The following TSNAXIP1 variants were observed in gnomAD, a reference collection of about 807,000 sequenced individuals.
The protein encoded by TSNAXIP1 is translin-associated factor X-interacting protein 1.
In TSNAXIP1, 89 loss-of-function variants were observed where a neutral mutation model predicts 84.8. That is an observed-to-expected ratio of 1.05 (90% CI 0.88 to 1.25). The LOEUF is 1.25. Ranked by LOEUF, TSNAXIP1 falls within the 50% of genes most tolerant of loss-of-function variation. The probability of loss-of-function intolerance (pLI) is 0.00; values close to 1 mark genes in which losing one functional copy is unlikely to be tolerated. For synonymous variants in TSNAXIP1, 347 were observed against 335.2 expected, an observed-to-expected ratio of 1.04 and a Z score of -0.39; for missense variants, 874 against 887.6, an observed-to-expected ratio of 0.98 and a Z score of 0.20.
chr16:67,810,204 C>T (rs570795107), intron 1 of TSNAXIP1, among the ~76,000 whole-genome samples: 1 of 152,228 alleles, frequency 6.6e-6, no homozygotes, highest in East Asian at 1.9e-4. Flanking sequence ...GTTTCTCCTC[C>T]CTATCGGCTT....
intron 3 of TSNAXIP1, 46 bp from the exon 4 acceptor site, chr16:67,821,053 G>C (rs1170373158): frequency 6.2e-7 from 1 of 1,610,974 alleles, no homozygotes; most frequent in Admixed American, 1.7e-5. Flanking sequence ...AGGGCACAAG[G>C]GCCCCGTGGG....
At position 67,827,338 on chromosome 16, in the gene TSNAXIP1, A is replaced by T. The variant is rs760999662; in HGVS notation, c.1754A>T (p.Asn585Ile). 6.2e-7 allele frequency: 1 copy of T among 1,614,210 alleles called. No homozygotes were observed. The highest frequency in any genetic ancestry group is 8.5e-7 in the Non-Finnish European group (1 of 1,180,034). The change falls in exon 14 of 16, where the codon AAT (asparagine) becomes ATT (isoleucine). Residue 585 changes from asparagine (N) to isoleucine (I), a missense_variant. Asn to Ile is a moderately radical substitution (Grantham distance 149). Transcript: ENST00000561639. ...GGGGGCTGGCATCCCAGCAGCAGCA[A>T]TGCAGACTTGCTCAACTACCGCTCA... ...EAGGWHPSSS[N>I]ADLLNYRSLF...
intron 2 of TSNAXIP1, among the ~76,000 whole-genome samples, chr16:67,814,887 G>A (rs1014654410): frequency 6.6e-6 from 1 of 152,192 alleles, no homozygotes; most frequent in Non-Finnish European, 1.5e-5. Flanking sequence ...TGCTGAGTAG[G>A]TGTGTGAAGG....
chr16:67,807,366 C>A (rs2055539248), intron 1 of TSNAXIP1, 170 bp downstream of exon 1: 1 of 1,531,864 alleles, frequency 6.5e-7, no homozygotes, highest in Non-Finnish European at 8.7e-7. Context: ...CCAGTGAAGA[C>A]GTTACGTGCT....
chr16:67,824,800 G>A (rs750823067), intron 6 of TSNAXIP1, 21 bp downstream of exon 6: 100 of 1,607,768 alleles, frequency 6.2e-5, no homozygotes, highest in East Asian at 3.4e-4. Context: ...GTGGTGTGAT[G>A]ATGACCAAGT....
intron 2 of TSNAXIP1, 72 bp from the exon 3 acceptor site, chr16:67,820,767 A>C: frequency 3.6e-6 from 4 of 1,122,120 alleles, no homozygotes; most frequent in South Asian, 1.8e-5. Flanking sequence ...GGACTGGGGG[A>C]GGAGAGATGG....
chr16:67,826,951 C>T lies in TSNAXIP1; in HGVS notation c.1555-12C>T, dbSNP rs1171950776. 2 of 1,613,854 alleles carry T rather than the reference C, an allele frequency of 1.2e-6. No individual in the cohort carries two copies. The highest frequency in any genetic ancestry group is 1.7e-6 in the Non-Finnish European group (2 of 1,179,948). ...CAGGAACAGCAGGTGAATAATGCTT[C>T]TCTCCTTATAGCGGAGTGAGAATGT... On this transcript the variant is annotated splice_polypyrimidine_tract_variant and intron_variant, in intron 12 of 15. Transcript: ENST00000561639.
chr16:67,817,532 G>T (rs2056676433), intron 2 of TSNAXIP1, among the ~76,000 whole-genome samples: 1 of 147,458 alleles, frequency 6.8e-6, no homozygotes, highest in Admixed American at 6.7e-5. Flanking sequence ...TGCCCGCCTT[G>T]GCCTCCCAAA....
rs776345843 is a variant in TSNAXIP1, at chr16:67,827,823, A to G, written c.1969A>G (p.Thr657Ala). The G allele has an allele frequency of 3.2e-5, 51 of 1,614,138 alleles. 1 individual carries two copies. In the South Asian group the frequency reaches 5.3e-4, roughly 17 times the overall value. Residue 657 changes from threonine (T) to alanine (A), a missense_variant, in exon 16 of 16, where the codon ACA (threonine) becomes GCA (alanine). Thr to Ala is a moderately conservative substitution (Grantham distance 58). Coordinates refer to ENST00000561639, the MANE Select transcript of TSNAXIP1 (RefSeq NM_001288990.3). Reference sequence around the variant, plus strand: ...CATCGACCCCAGCCTGGACAAGCAGACAGTGAACACCTACATGAGCCAGGC... The same window carrying G: ...CATCGACCCCAGCCTGGACAAGCAGGCAGTGAACACCTACATGAGCCAGGC... Reference protein sequence around the residue: ...MTIDPSLDKQTVNTYMSQAFQ... With the variant: ...MTIDPSLDKQAVNTYMSQAFQ...
intron 1 of TSNAXIP1, chr16:67,807,670 A>T (rs2055581496): frequency 1.5e-5 from 4 of 262,588 alleles, no homozygotes; most frequent in African/African-American, 6.9e-5. Flanking sequence ...TTTTGTAGAG[A>T]CGAGGTTTCA....
intron 5 of TSNAXIP1, among the ~76,000 whole-genome samples, chr16:67,824,015 T>TCG (rs1314831810): frequency 2.3e-5 from 1 of 43,912 alleles, no homozygotes; most frequent in East Asian, 7.0e-4. Context: ...CAAGACTCCA[T>TCG]CGCAAAAAAA....
chr16:67,823,757 C>T (rs754551223), intron 5 of TSNAXIP1, 38 bp downstream of exon 5: 7 of 1,572,096 alleles, frequency 4.5e-6, no homozygotes, highest in Admixed American at 3.4e-5. Context: ...GTGGCTCACG[C>T]CTGTAATCCC....
At chr16:67,818,564 T>G (rs2056776790) in intron 2 of TSNAXIP1, among the ~76,000 whole-genome samples, 1 of 151,908 alleles carries the variant, frequency 6.6e-6, no homozygotes, top group East Asian at 1.9e-4. Context: ...CAGGGTTATT[T>G]TGTGCTTTTA....
rs748621972 is a variant in TSNAXIP1 at position 67,826,274 on chromosome 16, C to T, written c.1267C>T (p.Pro423Ser). The T allele has an allele frequency of 1.3e-6, 2 of 1,578,858 alleles. No homozygotes were observed. Among genetic ancestry groups the T allele is most frequent in the Admixed American group, 3.5e-5 (2 of 57,386 alleles). The change falls in exon 10 of 16, where the codon CCT becomes TCT. Residue 423 changes from proline (P) to serine (S), a missense_variant. Physicochemically the swap from Pro to Ser is moderately conservative, Grantham distance 74. Coordinates refer to ENST00000561639, the MANE Select transcript of TSNAXIP1 (RefSeq NM_001288990.3). ...SGLLREKDFF[P>S]GLGYGEAIPA... ...GCTGCTGCGGGAGAAAGACTTCTTC[C>T]CTGGTCTGGTAGGGGAGGCCCCAGG...
rs1264390927 is a variant in TSNAXIP1 at position 67,807,166 on chromosome 16, C to T, written c.17C>T (p.Ser6Leu). ...CCGTGGGTCATGGCCTGCCAGCAGT[C>T]GCGGTACCACAGCTTCTCGTCCGCG... Reference protein sequence around the residue: MACQQSRYHSFSSASR... With the variant: MACQQLRYHSFSSASR... The change falls in exon 1 of 16, where the codon TCG becomes TTG. Residue 6 changes from serine (S) to leucine (L), a missense_variant. Physicochemically the swap from Ser to Leu is moderately radical, Grantham distance 145 (BLOSUM62 -2). Coordinates refer to ENST00000561639, the MANE Select transcript of TSNAXIP1 (RefSeq NM_001288990.3). 2 of 1,535,730 alleles carry T rather than the reference C, an allele frequency of 1.3e-6. No homozygotes were observed. Among genetic ancestry groups the T allele is most frequent in the East Asian group, 2.4e-5 (1 of 40,902 alleles).
Position 67,826,979 on chromosome 16 carries a change from A to G in TSNAXIP1, c.1571A>G (p.Tyr524Cys). The G allele has an allele frequency of 1.2e-6, 2 of 1,614,150 alleles. No individual in the cohort carries two copies. Among genetic ancestry groups the G allele is most frequent in the African/African-American group, 1.3e-5 (1 of 75,044 alleles). Reference sequence around the variant, plus strand: ...TCCTTATAGCGGAGTGAGAATGTGTATGTCACCCAGAAGGAGACAGTAGCC... The same window carrying G: ...TCCTTATAGCGGAGTGAGAATGTGTGTGTCACCCAGAAGGAGACAGTAGCC... ...VLMGKRSENV[Y>C]VTQKETVAQL... is the part of the protein sequence containing the mutation. The change falls in exon 13 of 16, where the codon TAT becomes TGT. Residue 524 changes from tyrosine to cysteine, a missense_variant. Coordinates refer to ENST00000561639, the MANE Select transcript of TSNAXIP1 (RefSeq NM_001288990.3).
intron 4 of TSNAXIP1, among the ~76,000 whole-genome samples, chr16:67,823,041 G>T (rs1299129055): frequency 6.6e-6 from 1 of 152,222 alleles, no homozygotes; most frequent in Non-Finnish European, 1.5e-5. Flanking sequence ...CTGGCTGCCT[G>T]GAGAGCCAGA....
intron 2 of TSNAXIP1, among the ~76,000 whole-genome samples, chr16:67,819,244 CTTT>C (rs531351666): frequency 5.8e-5 from 8 of 137,378 alleles, no homozygotes; most frequent in African/African-American, 8.1e-5. Flanking sequence ...TTTTGATAGT[CTTT>C]TTTTTTTTTT....
At chr16:67,820,791 GA>G (rs1431819490) in intron 2 of TSNAXIP1, 47 bp from the exon 3 acceptor site, 1 of 1,355,496 alleles carries the variant, frequency 7.4e-7, no homozygotes, top group Non-Finnish European at 1.0e-6. Flanking sequence ...GAAACATTAG[GA>G]AGGGGAGCAA....
Sources: gnomAD v4.1 joint callset for allele counts (sites outside exome capture counted in the v4.1 genomes callset) on GRCh38, gnomAD v4.1.1 for gene constraint, MANE v1.5 for transcripts, NCBI Gene and HGNC (gene_info 2026-07-23, HGNC 2026-07-21) for gene names.